SLC30A8: variants seen among roughly 807,000 people sequenced by gnomAD.
SLC30A8 encodes solute carrier family 30 member 8, also known as proton-coupled zinc antiporter SLC30A8.
A neutral mutation model predicts 36.9 loss-of-function variants in SLC30A8; 27 were observed. The observed-to-expected ratio is 0.73, with a 90% CI of 0.54 to 1.01. SLC30A8 has a LOEUF of 1.01. Among genes scored for constraint, SLC30A8 ranks in the 50% least tolerant of loss-of-function variants. SLC30A8 has a pLI of 0.00. For synonymous variants in SLC30A8, 164 were observed against 172.4 expected, an observed-to-expected ratio of 0.95 and a Z score of 0.38; for missense variants, 439 against 452.0, an observed-to-expected ratio of 0.97 and a Z score of 0.26.
intron 1 of SLC30A8, among the ~76,000 whole-genome samples, chr8:117,142,102 A>T (rs62510522): frequency 6.6e-6 from 1 of 152,084 alleles, no homozygotes; most frequent in Non-Finnish European, 1.5e-5. Context: ...ACTCAGCCCC[A>T]TCTTGGGAAT....
At chr8:117,014,036 G>T (rs1816430337) in intron 1 of SLC30A8, among the ~76,000 whole-genome samples, 1 of 152,096 alleles carries the variant, frequency 6.6e-6, no homozygotes, top group Non-Finnish European at 1.5e-5. Context: ...TTAGCTCTTG[G>T]TGAACTTGGC....
chr8:116,998,494 C>T (rs189483547), intron 1 of SLC30A8, among the ~76,000 whole-genome samples: 9 of 152,330 alleles, frequency 5.9e-5, no homozygotes, highest in African/African-American at 2.2e-4. Context: ...GTCTATAATT[C>T]TCTTCAATTT....
At position 117,128,831 on chromosome 8, in the gene SLC30A8, C is replaced by T. The variant is rs183282661; in HGVS notation, c.-225-6449C>T. Among the ~76,000 whole-genome samples, 5 of 152,086 alleles carry T rather than the reference C, an allele frequency of 3.3e-5. No homozygotes were observed. The East Asian group carries it at 9.7e-4, about 30-fold the overall frequency. Reference sequence around the variant, plus strand: ...CTGACAAGAGCTTTCTGAGGTTTCACAGTGGTATCATTCACTTTTTTTCTG... The same window carrying T: ...CTGACAAGAGCTTTCTGAGGTTTCATAGTGGTATCATTCACTTTTTTTCTG... On this transcript the variant is annotated intron_variant, in intron 2 of 10. Transcript: ENST00000427715.
intron 1 of SLC30A8, among the ~76,000 whole-genome samples, chr8:116,985,346 CTT>C (rs1815409635): frequency 6.7e-6 from 1 of 149,598 alleles, no homozygotes; most frequent in African/African-American, 2.5e-5. Context: ...GTATGTATAT[CTT>C]TTTTAAAACC....
At chr8:117,135,592 A>G (rs903662336) in intron 1 of SLC30A8, among the ~76,000 whole-genome samples, 194 bp downstream of exon 1, 1 of 151,920 alleles carries the variant, frequency 6.6e-6, no homozygotes, top group African/African-American at 2.4e-5. Context: ...TGATTCCTTA[A>G]ATATCCTAAG....
At position 117,175,465 on chromosome 8, in the gene SLC30A8, A is replaced by G. The variant is rs1217496294; in HGVS notation, c.*2784A>G. The G allele has an allele frequency of 6.6e-6, 1 of 152,092 alleles. No individual in the cohort carries two copies. The highest frequency in any genetic ancestry group is 2.1e-4 in the South Asian group (1 of 4,824). The allele number at this position is 152,092 out of a possible 1,614,324, so 9.4% of individuals were successfully genotyped here. On this transcript the variant is annotated 3_prime_UTR_variant, in exon 8 of 8. Coordinates refer to ENST00000456015, the MANE Select transcript of SLC30A8 (RefSeq NM_173851.3). ...GAAGGACATGAAAGAAAGGATGTTT[A>G]CACATTAAGCATCAGTTCTGAAGCT...
At chr8:117,125,128 C>G (rs1820848156) in intron 2 of SLC30A8, among the ~76,000 whole-genome samples, 1 of 151,902 alleles carries the variant, frequency 6.6e-6, no homozygotes, top group Admixed American at 6.6e-5. Flanking sequence ...ACAAACTGAG[C>G]AACCGATCTC....
intron 1 of SLC30A8, among the ~76,000 whole-genome samples, chr8:116,969,493 A>T (rs1459201063): frequency 2.0e-5 from 3 of 152,178 alleles, no homozygotes; most frequent in African/African-American, 7.2e-5. Flanking sequence ...GTAACTTCGT[A>T]TGTATTTATC....
At chr8:116,997,187 C>T (rs986637920) in intron 1 of SLC30A8, among the ~76,000 whole-genome samples, 1 of 152,124 alleles carries the variant, frequency 6.6e-6, no homozygotes, top group Admixed American at 6.5e-5. Context: ...TTACCATCCA[C>T]CTCTGAAGCA....
Position 117,172,899 on chromosome 8 carries a change from T to C in SLC30A8, c.*218T>C, listed in dbSNP as rs981888866. ...TATACTGATCAGTAGCTGTGTTCAA[T>C]TGCAGGAATGTGTATATAGATTATT... On this transcript the variant is annotated 3_prime_UTR_variant, in exon 8 of 8. Coordinates refer to ENST00000456015, the MANE Select transcript of SLC30A8 (RefSeq NM_173851.3). The C allele has an allele frequency of 4.7e-5, 27 of 577,636 alleles. No homozygotes were observed. The highest frequency in any genetic ancestry group is 6.7e-5 in the Non-Finnish European group (22 of 328,848). 35.8% of individuals were successfully genotyped at this position (577,636 alleles called of 1,614,324 possible).
chr8:117,170,933 AC>A, intron 6 of SLC30A8, 100 bp from the exon 7 acceptor site: 1 of 971,590 alleles, frequency 1.0e-6, no homozygotes, highest in Non-Finnish European at 1.5e-6. Context: ...AAAGGGATGA[AC>A]ACATTGAAAT....
intron 2 of SLC30A8, among the ~76,000 whole-genome samples, chr8:117,086,420 A>C (rs1013154322): frequency 3.9e-5 from 6 of 152,214 alleles, no homozygotes; most frequent in African/African-American, 1.4e-4. Context: ...TTGACTTCCC[A>C]CAGTGTGGAA....
In SLC30A8 at chr8:116,985,293, T is replaced by TACACAC. The variant is rs71305454; in HGVS notation, c.-266+34210_-266+34215dup. Reference sequence around the variant, plus strand: ...GCAAGCATGTGCATGCTCACACACATACACACACACACACACACACACACA... The same window carrying TACACAC: ...GCAAGCATGTGCATGCTCACACACATACACACACACACACACACACACACACACACA... On this transcript the variant is annotated intron_variant, in intron 1 of 10. Transcript: ENST00000427715. Among the ~76,000 whole-genome samples the TACACAC allele has an allele frequency of 4.3e-3, 604 of 140,310 alleles. 3 individuals carry two copies. Among genetic ancestry groups the TACACAC allele is most frequent in the East Asian group, 0.012 (58 of 4,800 alleles). The allele number at this position is 140,310 out of a possible 152,430, so 92.0% of individuals were successfully genotyped here. A position where few individuals can be genotyped will look rare whatever the true frequency, so the allele number is the denominator to read the frequency against.
At chr8:117,080,864 G>T (rs564751267) in intron 2 of SLC30A8, among the ~76,000 whole-genome samples, 7 of 152,238 alleles carry the variant, frequency 4.6e-5, no homozygotes, top group African/African-American at 1.7e-4. Flanking sequence ...TAGTGGGATT[G>T]CTGGGTCAAA....
chr8:117,076,410 G>T (rs1586474223), intron 2 of SLC30A8, among the ~76,000 whole-genome samples: 1 of 152,052 alleles, frequency 6.6e-6, no homozygotes, highest in Admixed American at 6.6e-5. Context: ...GCCTTTTCTT[G>T]GCTTTAGAAA....
At chr8:116,970,285 A>G (rs73312206) in intron 1 of SLC30A8, among the ~76,000 whole-genome samples, 4,096 of 152,226 alleles carry the variant, frequency 0.027, 171 homozygotes, top group African/African-American at 0.092. Context: ...GCAATAACAC[A>G]CATGGAACTG....
chr8:116,983,852 G>A (rs547725281), intron 1 of SLC30A8, among the ~76,000 whole-genome samples: 17 of 152,088 alleles, frequency 1.1e-4, no homozygotes, highest in African/African-American at 3.6e-4. Context: ...TTTTACATGC[G>A]CTCATTTGTG....
chr8:117,026,304 G>A (rs888927374), intron 1 of SLC30A8, among the ~76,000 whole-genome samples: 2 of 152,168 alleles, frequency 1.3e-5, no homozygotes, highest in Admixed American at 1.3e-4. Context: ...ATAAAGATAA[G>A]TCAAGAGCGC....
chr8:117,150,848 G>T (rs190708059), intron 2 of SLC30A8, among the ~76,000 whole-genome samples: 2 of 151,888 alleles, frequency 1.3e-5, no homozygotes, highest in Non-Finnish European at 2.9e-5. Context: ...CTCGTGATCC[G>T]CCCGCCTCTG....
Sources: allele counts gnomAD v4.1 joint callset (sites outside exome capture counted in the v4.1 genomes callset), GRCh38; gene constraint gnomAD v4.1.1; transcripts MANE v1.5; gene names NCBI Gene and HGNC (gene_info 2026-07-23, HGNC 2026-07-21).